DAB1: variants seen among roughly 807,000 people sequenced by gnomAD.
The protein encoded by DAB1 is DAB adaptor protein 1, also known as disabled homolog 1.
In DAB1, 15 loss-of-function variants were observed where a neutral mutation model predicts 64.6. That is an observed-to-expected ratio of 0.23 (90% CI 0.16 to 0.36). The LOEUF is 0.36. DAB1 is among the 10% of genes least tolerant of loss of function. The probability of loss-of-function intolerance (pLI) is 1.00; values close to 1 mark genes in which losing one functional copy is unlikely to be tolerated. For synonymous variants in DAB1, 235 were observed against 251.9 expected, an observed-to-expected ratio of 0.93 and a Z score of 0.64; for missense variants, 596 against 706.7, an observed-to-expected ratio of 0.84 and a Z score of 1.78.
intron 5 of DAB1, among the ~76,000 whole-genome samples, chr1:58,056,714 C>G (rs1648132912): frequency 6.6e-6 from 1 of 152,158 alleles, no homozygotes; most frequent in South Asian, 2.1e-4. Context: ...CTCTCTTGTT[C>G]TCTTTTGTCC....
chr1:57,760,618 TCTCACACACA>T (rs1455277743), intron 6 of DAB1, among the ~76,000 whole-genome samples: 15 of 115,580 alleles, frequency 1.3e-4, no homozygotes, highest in African/African-American at 3.7e-4. Flanking sequence ...TCTCTCTCTC[TCTCACACACA>T]CACACACACA....
intron 3 of DAB1, among the ~76,000 whole-genome samples, chr1:58,490,170 T>C (rs912916210): frequency 2.0e-5 from 3 of 152,202 alleles, no homozygotes; most frequent in Admixed American, 1.3e-4. Context: ...TTCGAACCCA[T>C]GGCAAAGAAG....
chr1:57,582,148 T>C (rs2101553106), intron 7 of DAB1, among the ~76,000 whole-genome samples: 1 of 152,212 alleles, frequency 6.6e-6, no homozygotes, highest in South Asian at 2.1e-4. Context: ...CCTGTATTAG[T>C]CCATTTTCAC....
chr1:57,430,720 C>G (rs1445991786), intron 7 of DAB1, among the ~76,000 whole-genome samples: 7 of 152,078 alleles, frequency 4.6e-5, no homozygotes, highest in Admixed American at 4.6e-4. Context: ...GTAATATGCT[C>G]AAAGTATACG....
intron 4 of DAB1, among the ~76,000 whole-genome samples, chr1:58,281,508 A>G (rs1569598213): frequency 6.6e-6 from 1 of 151,142 alleles, no homozygotes; most frequent in Admixed American, 6.6e-5. Context: ...TCAGCCTCTT[A>G]CCTAGTATCC....
chr1:58,008,834 C>T (rs1646625529), intron 5 of DAB1, among the ~76,000 whole-genome samples: 2 of 152,228 alleles, frequency 1.3e-5, no homozygotes, highest in South Asian at 4.2e-4. Context: ...TCAGAAGGTT[C>T]AAGTTTAAGT....
At chr1:57,949,166 G>T (rs569456354) in intron 5 of DAB1, among the ~76,000 whole-genome samples, 113 of 152,092 alleles carry the variant, frequency 7.4e-4, no homozygotes, top group Non-Finnish European at 1.5e-3. Flanking sequence ...ATTTCCATGG[G>T]GGGGGCTGGG....
chr1:58,427,879 A>C (rs1409873719), intron 3 of DAB1, among the ~76,000 whole-genome samples: 1 of 152,244 alleles, frequency 6.6e-6, no homozygotes, highest in Non-Finnish European at 1.5e-5. Context: ...ACACCAGCCA[A>C]AGATGGGACA....
At chr1:58,312,137 T>A (rs1222345145) in intron 4 of DAB1, among the ~76,000 whole-genome samples, 1 of 152,116 alleles carries the variant, frequency 6.6e-6, no homozygotes, top group Non-Finnish European at 1.5e-5. Flanking sequence ...GAGGCCAAGG[T>A]GCTACCAAGC....
At chr1:57,385,521 T>A (rs1681735367) in intron 1 of DAB1, among the ~76,000 whole-genome samples, 1 of 152,154 alleles carries the variant, frequency 6.6e-6, no homozygotes. Context: ...GTTGGTGATA[T>A]GTAGGAAAAT....
At chr1:57,492,312 C>T (rs1013365935) in intron 7 of DAB1, among the ~76,000 whole-genome samples, 2 of 152,216 alleles carry the variant, frequency 1.3e-5, no homozygotes, top group African/African-American at 4.8e-5. Flanking sequence ...GTGAAACAAA[C>T]TATCACCAAG....
At chr1:57,720,197 C>T (rs1469382606) in intron 6 of DAB1, among the ~76,000 whole-genome samples, 1 of 152,156 alleles carries the variant, frequency 6.6e-6, no homozygotes, top group South Asian at 2.1e-4. Context: ...CTGCACACTC[C>T]GATGCACTGC....
intron 4 of DAB1, among the ~76,000 whole-genome samples, chr1:58,335,621 A>C (rs1663095652): frequency 6.6e-6 from 1 of 152,032 alleles, no homozygotes; most frequent in African/African-American, 2.4e-5. Flanking sequence ...GATAACCAGG[A>C]AGCTAGCCAT....
chr1:58,425,730 A>T (rs1263277540), intron 3 of DAB1, among the ~76,000 whole-genome samples: 1 of 152,118 alleles, frequency 6.6e-6, no homozygotes. Context: ...TCAACAGAGT[A>T]TCATCATTGA....
At chr1:57,704,441 T>G (rs1646941984) in intron 6 of DAB1, among the ~76,000 whole-genome samples, 1 of 152,178 alleles carries the variant, frequency 6.6e-6, no homozygotes, top group Admixed American at 6.6e-5. Flanking sequence ...CAATTACAGA[T>G]GAGAGTTGAA....
At chr1:58,083,691 G>A (rs191381164) in intron 5 of DAB1, among the ~76,000 whole-genome samples, 1 of 152,312 alleles carries the variant, frequency 6.6e-6, no homozygotes, top group Admixed American at 6.5e-5. Flanking sequence ...AATAGACAAA[G>A]TCCCTGCTTA....
At chr1:57,113,929 A>G (rs1341935628) in intron 4 of DAB1, among the ~76,000 whole-genome samples, 1 of 152,240 alleles carries the variant, frequency 6.6e-6, no homozygotes, top group Non-Finnish European at 1.5e-5. Flanking sequence ...GGATGACCAA[A>G]TAATTCAAAA....
intron 6 of DAB1, among the ~76,000 whole-genome samples, chr1:57,710,763 G>A (rs1482135502): frequency 6.6e-6 from 1 of 151,984 alleles, no homozygotes; most frequent in Non-Finnish European, 1.5e-5. Context: ...GTGTGTGTGT[G>A]GAATAAAGAG....
Position 57,392,278 on chromosome 1 carries a change from C to T in DAB1, c.-137+31652G>A, listed in dbSNP as rs569928995. 5.1e-4 allele frequency among the ~76,000 whole-genome samples: 78 copies of T among 152,270 alleles called. 1 individual carries two copies. Among genetic ancestry groups the T allele is most frequent in the African/African-American group, 1.9e-3 (78 of 41,558 alleles). On this transcript the variant is annotated intron_variant, in intron 1 of 14. Coordinates refer to ENST00000371236, the MANE Select transcript of DAB1 (RefSeq NM_001365792.1). The stretch of plus-strand genomic sequence containing the variant: ...GTCCCAGCTTCTTGGGAGGCTAAGG[C>T]AGGAGAATTGCTTGAACCCAGGGGG...
Sources: allele counts gnomAD v4.1 joint callset (sites outside exome capture counted in the v4.1 genomes callset), GRCh38; gene constraint gnomAD v4.1.1; transcripts MANE v1.5; gene names NCBI Gene and HGNC (gene_info 2026-07-23, HGNC 2026-07-21).